The following LRP1B variants were observed in gnomAD, a reference collection of about 807,000 sequenced individuals.
The protein encoded by LRP1B is low-density lipoprotein receptor-related protein 1B.
LRP1B carries 217 observed loss-of-function variants against 556.6 expected under a neutral mutation model. The ratio of observed to expected loss-of-function variants is 0.39; its 90% CI spans 0.35 to 0.44. The LOEUF is 0.44. Ranked by LOEUF, LRP1B falls within the 20% of genes least tolerant of loss-of-function variation. The probability of loss-of-function intolerance (pLI) is 1.00; values close to 1 mark genes in which losing one functional copy is unlikely to be tolerated. For synonymous variants in LRP1B, 2,047 were observed against 1,865.8 expected, an observed-to-expected ratio of 1.10 and a Z score of -2.50; for missense variants, 5,053 against 5,620.8, an observed-to-expected ratio of 0.90 and a Z score of 3.23.
chr2:140,962,197 T>C (rs769695069), intron 18 of LRP1B, among the ~76,000 whole-genome samples: 13 of 152,206 alleles, frequency 8.5e-5, no homozygotes, highest in Non-Finnish European at 1.9e-4. Flanking sequence ...GTATAAATTA[T>C]TCACTTAAAA....
chr2:140,643,982 G>C (rs1375502726), intron 41 of LRP1B, among the ~76,000 whole-genome samples: 1 of 152,156 alleles, frequency 6.6e-6, no homozygotes, highest in Non-Finnish European at 1.5e-5. Flanking sequence ...CAAAGGACTT[G>C]TATTTAGTAG....
At chr2:140,614,087 ATTAT>A (rs1344527364) in intron 41 of LRP1B, among the ~76,000 whole-genome samples, 1 of 151,974 alleles carries the variant, frequency 6.6e-6, no homozygotes, top group Non-Finnish European at 1.5e-5. Context: ...ACCCTGACAA[ATTAT>A]TTATATTTTT....
chr2:141,688,391 C>A (rs1481507312), intron 2 of LRP1B, among the ~76,000 whole-genome samples: 2 of 151,798 alleles, frequency 1.3e-5, no homozygotes, highest in African/African-American at 4.8e-5. Context: ...AATCCATGTT[C>A]TATTACTATT....
At chr2:141,040,131 T>C (rs1206695510) in intron 11 of LRP1B, among the ~76,000 whole-genome samples, 2 of 152,104 alleles carry the variant, frequency 1.3e-5, no homozygotes, top group African/African-American at 4.8e-5. Flanking sequence ...GACTGACAAA[T>C]GTACTCATTA....
At chr2:140,324,596 A>C (rs1245163484) in intron 80 of LRP1B, among the ~76,000 whole-genome samples, 1 of 152,050 alleles carries the variant, frequency 6.6e-6, no homozygotes, top group Non-Finnish European at 1.5e-5. Context: ...AATGAAAATC[A>C]TTCTTCATCT....
chr2:141,838,708 T>A (rs1010584911), intron 1 of LRP1B, among the ~76,000 whole-genome samples: 1 of 152,186 alleles, frequency 6.6e-6, no homozygotes, highest in African/African-American at 2.4e-5. Flanking sequence ...TTATTTGCTC[T>A]TAGTAGAGAA....
At chr2:141,044,478 C>T (rs1251505578) in intron 11 of LRP1B, among the ~76,000 whole-genome samples, 1 of 149,986 alleles carries the variant, frequency 6.7e-6, no homozygotes, top group East Asian at 2.0e-4. Flanking sequence ...TCAGAGTGAA[C>T]AGGCAACCTA....
At chr2:140,639,337 G>A (rs1228199310) in intron 41 of LRP1B, among the ~76,000 whole-genome samples, 1 of 152,004 alleles carries the variant, frequency 6.6e-6, no homozygotes, top group African/African-American at 2.4e-5. Context: ...GAACATTCTT[G>A]AGACACTACA....
chr2:141,756,724 C>T (rs142069989), intron 2 of LRP1B, among the ~76,000 whole-genome samples: 82 of 152,178 alleles, frequency 5.4e-4, no homozygotes, highest in African/African-American at 1.9e-3. Context: ...TGTGTTACAG[C>T]TGCCTACAGT....
At chr2:141,157,498 C>T (rs16845503) in intron 7 of LRP1B, among the ~76,000 whole-genome samples, 4,252 of 152,032 alleles carry the variant, frequency 0.028, 131 homozygotes, top group East Asian at 0.16. Context: ...TCTGCAGAGT[C>T]AGAAATGAAA....
chr2:141,846,629 A>G (rs16847347), intron 1 of LRP1B, among the ~76,000 whole-genome samples: 13,783 of 151,458 alleles, frequency 0.091, 654 homozygotes, highest in South Asian at 0.17. Flanking sequence ...AAGTAATCCA[A>G]TAGCGTTTTA....
At chr2:141,723,443 C>A (rs915011124) in intron 2 of LRP1B, among the ~76,000 whole-genome samples, 6 of 151,280 alleles carry the variant, frequency 4.0e-5, no homozygotes, top group Non-Finnish European at 8.9e-5. Context: ...TTACTTAATT[C>A]TTTGGGTTCA....
At chr2:141,154,294 G>A in intron 7 of LRP1B, among the ~76,000 whole-genome samples, 1 of 151,812 alleles carries the variant, frequency 6.6e-6, no homozygotes, top group East Asian at 1.9e-4. Flanking sequence ...TTTGAAATTG[G>A]TAAATGTTTA....
chr2:141,946,870 T>C (rs1306946611), intron 1 of LRP1B, among the ~76,000 whole-genome samples: 2 of 152,126 alleles, frequency 1.3e-5, no homozygotes, highest in Non-Finnish European at 2.9e-5. Flanking sequence ...ATTAGCGATA[T>C]GGTAAAAATT....
chr2:141,986,697 A>G (rs977718871), intron 1 of LRP1B, among the ~76,000 whole-genome samples: 5 of 151,958 alleles, frequency 3.3e-5, no homozygotes, highest in Admixed American at 2.0e-4. Context: ...TTCCAGACCA[A>G]TACAATCTCT....
At chr2:140,725,376 A>C (rs1687556655) in intron 35 of LRP1B, among the ~76,000 whole-genome samples, 1 of 152,054 alleles carries the variant, frequency 6.6e-6, no homozygotes, top group Non-Finnish European at 1.5e-5. Flanking sequence ...TTGATATATA[A>C]AATCACTCAT....
At chr2:141,604,573 T>C (rs962429166) in intron 2 of LRP1B, among the ~76,000 whole-genome samples, 1 of 152,142 alleles carries the variant, frequency 6.6e-6, no homozygotes, top group Non-Finnish European at 1.5e-5. Context: ...TTCTGATTGA[T>C]CCTCAACCTT....
chr2:140,426,036 G>A (rs1284335804), intron 66 of LRP1B, among the ~76,000 whole-genome samples: 1 of 152,118 alleles, frequency 6.6e-6, no homozygotes, highest in Non-Finnish European at 1.5e-5. Context: ...TATACAAGTA[G>A]AATATTAAAG....
At chr2:141,238,992 C>A (rs980880755) in intron 5 of LRP1B, among the ~76,000 whole-genome samples, 5 of 152,002 alleles carry the variant, frequency 3.3e-5, no homozygotes, top group Non-Finnish European at 7.4e-5. Flanking sequence ...GAGTCTCAGT[C>A]TCTTTATATT....
Sources: allele counts gnomAD v4.1 joint callset (sites outside exome capture counted in the v4.1 genomes callset), GRCh38; gene constraint gnomAD v4.1.1; transcripts MANE v1.5; gene names NCBI Gene and HGNC (gene_info 2026-07-23, HGNC 2026-07-21).